Variants in TRDN observed in about 807,000 individuals in gnomAD.
TRDN encodes the protein triadin in skeletal muscle.
In TRDN, 161 loss-of-function variants were observed where a neutral mutation model predicts 149.7. The observed-to-expected ratio is 1.08, with a 90% CI of 0.95 to 1.23. The LOEUF is 1.23. TRDN is among the 50% of genes most tolerant of loss of function. The probability of loss-of-function intolerance (pLI) is 0.00; values close to 1 mark genes in which losing one functional copy is unlikely to be tolerated. For missense variants in TRDN, 896 were observed against 823.5 expected (o/e 1.09, Z -1.08); for synonymous variants, 294 against 250.5 (o/e 1.17, Z -1.64).
chr6:123,340,828 C>T (rs1244787045), intron 21 of TRDN, among the ~76,000 whole-genome samples: 2 of 151,934 alleles, frequency 1.3e-5, no homozygotes, highest in South Asian at 2.1e-4. Context: ...TAACTTATAA[C>T]GCACATCATC....
intron 10 of TRDN, chr6:123,456,892 G>A (rs1417490220): frequency 1.1e-5 from 5 of 455,402 alleles, no homozygotes; most frequent in African/African-American, 1.0e-4. Context: ...GTAACAAGCT[G>A]GTATAATAGG....
chr6:123,582,518 G>A (rs1056097018), intron 1 of TRDN, among the ~76,000 whole-genome samples: 4 of 145,242 alleles, frequency 2.8e-5, no homozygotes, highest in African/African-American at 1.0e-4. Context: ...CTGGCAGGCA[G>A]GAGTGGGGGG....
chr6:123,316,405 T>G (rs1779022323), intron 24 of TRDN, 52 bp downstream of exon 24: 6 of 1,557,078 alleles, frequency 3.9e-6, no homozygotes, highest in Non-Finnish European at 5.3e-6. Flanking sequence ...CTAGCTTTCT[T>G]CCAACCAAAC....
At chr6:123,293,977 T>A (rs563930323) in intron 24 of TRDN, among the ~76,000 whole-genome samples, 2 of 152,116 alleles carry the variant, frequency 1.3e-5, no homozygotes, top group Non-Finnish European at 2.9e-5. Flanking sequence ...AGGCTTTGTC[T>A]ACCATAAGTC....
At chr6:123,465,573 T>G (rs1583083186) in intron 9 of TRDN, among the ~76,000 whole-genome samples, 1 of 125,018 alleles carries the variant, frequency 8.0e-6, no homozygotes, top group South Asian at 2.5e-4. Context: ...CTGAGCTTAT[T>G]ATGAACTGCA....
intron 13 of TRDN, among the ~76,000 whole-genome samples, chr6:123,389,949 C>T (rs528969616): frequency 6.6e-6 from 1 of 152,114 alleles, no homozygotes; most frequent in Non-Finnish European, 1.5e-5. Context: ...CTGAGTTTGA[C>T]TCAACAGACT....
At chr6:123,473,502 C>T (rs1474186534) in intron 9 of TRDN, among the ~76,000 whole-genome samples, 1 of 151,952 alleles carries the variant, frequency 6.6e-6, no homozygotes, top group Non-Finnish European at 1.5e-5. Flanking sequence ...AGAATGGAAC[C>T]AAGTTGGAAA....
At chr6:123,407,013 GA>G (rs1376497043) in intron 12 of TRDN, among the ~76,000 whole-genome samples, 1 of 152,016 alleles carries the variant, frequency 6.6e-6, no homozygotes, top group Non-Finnish European at 1.5e-5. Flanking sequence ...TGCTTGCTGA[GA>G]GGGCCCAAGC....
chr6:123,586,299 G>T (rs1783477858), intron 1 of TRDN, among the ~76,000 whole-genome samples: 1 of 152,140 alleles, frequency 6.6e-6, no homozygotes, highest in Non-Finnish European at 1.5e-5. Flanking sequence ...TAGGGTGGAG[G>T]ACCGGAGGCT....
chr6:123,447,214 A>G (rs1407140692), intron 10 of TRDN, among the ~76,000 whole-genome samples: 1 of 152,208 alleles, frequency 6.6e-6, no homozygotes, highest in East Asian at 1.9e-4. Context: ...GCAATTCTAC[A>G]GCACTTTCCA....
intron 38 of TRDN, among the ~76,000 whole-genome samples, chr6:123,251,719 T>C (rs1269554595): frequency 6.6e-6 from 1 of 151,946 alleles, no homozygotes; most frequent in African/African-American, 2.4e-5. Context: ...AAAGGATAAA[T>C]TGTTATTTCC....
intron 4 of TRDN, among the ~76,000 whole-genome samples, chr6:123,544,304 G>T (rs1781006734): frequency 6.7e-6 from 1 of 149,440 alleles, no homozygotes; most frequent in Admixed American, 6.7e-5. Context: ...GTCTTATTGG[G>T]GCAATGTTAC....
chr6:123,607,408 A>G (rs1784575212), intron 1 of TRDN, among the ~76,000 whole-genome samples: 1 of 152,220 alleles, frequency 6.6e-6, no homozygotes. Flanking sequence ...AAACCTCAAA[A>G]GAGATTCAGA....
intron 21 of TRDN, among the ~76,000 whole-genome samples, chr6:123,347,831 C>T (rs1004195653): frequency 6.6e-6 from 1 of 152,026 alleles, no homozygotes; most frequent in Non-Finnish European, 1.5e-5. Context: ...ATAAGTAGCC[C>T]AGTCACAGAA....
At chr6:123,356,563 T>C (rs935410806) in intron 20 of TRDN, among the ~76,000 whole-genome samples, 1 of 136,756 alleles carries the variant, frequency 7.3e-6, no homozygotes, top group African/African-American at 2.7e-5. Context: ...GTTGCTCTAC[T>C]TAAGTTTTGG....
At chr6:123,407,930 A>G (rs1188775145) in intron 12 of TRDN, among the ~76,000 whole-genome samples, 1 of 152,238 alleles carries the variant, frequency 6.6e-6, no homozygotes, top group African/African-American at 2.4e-5. Flanking sequence ...CCTAGGAAGT[A>G]GCAATATTGT....
At chr6:123,483,251 T>G (rs565764152) in intron 9 of TRDN, among the ~76,000 whole-genome samples, 1 of 151,218 alleles carries the variant, frequency 6.6e-6, no homozygotes, top group East Asian at 1.9e-4. Flanking sequence ...TACAGGCGTG[T>G]GCCACCATGC....
At chr6:123,234,433 A>T (rs1775712654) in intron 38 of TRDN, among the ~76,000 whole-genome samples, 1 of 152,142 alleles carries the variant, frequency 6.6e-6, no homozygotes, top group South Asian at 2.1e-4. Context: ...ACTTTATTTC[A>T]GTTTGTACAT....
At chr6:123,470,465 A>G (rs1444366982) in intron 9 of TRDN, 2 of 152,204 alleles carry the variant, frequency 1.3e-5, no homozygotes, top group Admixed American at 6.5e-5. Context: ...AGCTTACACT[A>G]GTGATGGAAG....
Sources: gnomAD v4.1 joint callset for allele counts (sites outside exome capture counted in the v4.1 genomes callset) on GRCh38, gnomAD v4.1.1 for gene constraint, MANE v1.5 for transcripts, NCBI Gene and HGNC (gene_info 2026-07-23, HGNC 2026-07-21) for gene names.